Variants in RBM19 observed in about 807,000 individuals in gnomAD.
The protein encoded by RBM19 is probable RNA-binding protein 19.
RBM19 carries 94 observed loss-of-function variants against 116.8 expected under a neutral mutation model. The ratio of observed to expected loss-of-function variants is 0.80; its 90% confidence interval spans 0.68 to 0.95. The LOEUF is 0.95. Ranked by LOEUF, RBM19 falls within the 40% of genes least tolerant of loss-of-function variation. The probability of loss-of-function intolerance (pLI) is 0.00; values close to 1 mark genes in which losing one functional copy is unlikely to be tolerated. For synonymous variants in RBM19, 475 were observed against 494.1 expected, an observed-to-expected ratio of 0.96 and a Z score of 0.51; for missense variants, 1,161 against 1,220.7, an observed-to-expected ratio of 0.95 and a Z score of 0.73.
intron 12 of RBM19, 76 bp downstream of exon 12, chr12:113,946,278 G>A: frequency 6.2e-7 from 1 of 1,602,246 alleles, no homozygotes; most frequent in Non-Finnish European, 8.5e-7. Context: ...AGAAGACCCA[G>A]GTGGCTTAGA....
At chr12:113,953,194 G>A (rs903275521) in intron 7 of RBM19, among the ~76,000 whole-genome samples, 10 of 152,206 alleles carry the variant, frequency 6.6e-5, no homozygotes, top group African/African-American at 2.2e-4. Context: ...CTTTCCAAAA[G>A]AGAAGATATA....
chr12:113,845,382 G>A (rs1350035036), intron 22 of RBM19, among the ~76,000 whole-genome samples: 1 of 152,120 alleles, frequency 6.6e-6, no homozygotes, highest in Non-Finnish European at 1.5e-5. Flanking sequence ...GGCACAGGCT[G>A]TTCCCGCTTA....
At chr12:113,927,284 T>C (rs1869173787) in intron 16 of RBM19, 55 bp from the exon 17 acceptor site, 21 of 1,521,840 alleles carry the variant, frequency 1.4e-5, no homozygotes, top group Non-Finnish European at 1.8e-5. Flanking sequence ...CATGAAATAA[T>C]GTCAAACCCA....
intron 21 of RBM19, among the ~76,000 whole-genome samples, chr12:113,885,263 G>A (rs1418380884): frequency 6.6e-6 from 1 of 152,182 alleles, no homozygotes; most frequent in African/African-American, 2.4e-5. Flanking sequence ...CAAATCTTCG[G>A]TATTTCTATG....
chr12:113,872,519 G>A (rs1284271681), intron 21 of RBM19, among the ~76,000 whole-genome samples: 2,802 of 131,924 alleles, frequency 0.021, 72 homozygotes, highest in African/African-American at 0.046. Context: ...CGGGAGGGAG[G>A]TGGGGGTGTC....
intron 7 of RBM19, among the ~76,000 whole-genome samples, chr12:113,953,664 C>T (rs1377821152): frequency 1.3e-5 from 2 of 152,182 alleles, no homozygotes; most frequent in Non-Finnish European, 2.9e-5. Context: ...TCTGCTACAG[C>T]GAGCATAAAC....
chr12:113,892,140 G>C (rs1298093529), intron 21 of RBM19, among the ~76,000 whole-genome samples: 1 of 152,184 alleles, frequency 6.6e-6, no homozygotes, highest in Non-Finnish European at 1.5e-5. Flanking sequence ...AGCATCCTAT[G>C]AATAGGTGAG....
At chr12:113,917,144 A>C (rs1017598909) in intron 20 of RBM19, among the ~76,000 whole-genome samples, 5 of 152,236 alleles carry the variant, frequency 3.3e-5, no homozygotes, top group Non-Finnish European at 7.3e-5. Flanking sequence ...GATGTGGTAC[A>C]CAGTGGGCTT....
intron 21 of RBM19, among the ~76,000 whole-genome samples, chr12:113,867,757 C>T (rs1878932557): frequency 6.6e-6 from 1 of 152,064 alleles, no homozygotes; most frequent in South Asian, 2.1e-4. Flanking sequence ...CCCATTTCTA[C>T]TAAAAACACA....
In RBM19 at chr12:113,918,389, CACTT is replaced by C. The variant is rs1882905808; in HGVS notation, c.2440_2441+2del. On this transcript the variant is annotated splice_donor_variant and coding_sequence_variant, in exon 20 of 24. Transcript: ENST00000261741. LOFTEE classifies it high-confidence loss of function. Reference sequence around the variant, plus strand: ...AAAGGAAATGAGGACACTGAAGACTCACTTAGTGGCTCGTTCCGAGATCCTCACT... The same window carrying C: ...AAAGGAAATGAGGACACTGAAGACTCAGTGGCTCGTTCCGAGATCCTCACT... The C allele has an allele frequency of 1.2e-6, 2 of 1,613,828 alleles. No individual in the cohort carries two copies. The highest frequency in any genetic ancestry group is 1.3e-5 in the African/African-American group (1 of 74,818).
rs968084031 is a variant in RBM19, at chr12:113,898,669, C to A, written c.2558+16300G>T. Among the ~76,000 whole-genome samples, 1 of 152,164 alleles carries A rather than the reference C, an allele frequency of 6.6e-6. No homozygotes were observed. Reference sequence around the variant, plus strand: ...AATCGTGCTGAACCAGCAAATGAAGCCTTCAATTTGGTATTCTCATCCTGC... The same window carrying A: ...AATCGTGCTGAACCAGCAAATGAAGACTTCAATTTGGTATTCTCATCCTGC... On this transcript the variant is annotated intron_variant, in intron 21 of 23. Transcript: ENST00000261741. This position sits in a 1 kb window ranked among gnomAD's most constrained non-coding sequence, Gnocchi z 4.3.
At chr12:113,819,613 T>C (rs1304025895), downstream of RBM19, among the ~76,000 whole-genome samples, 2 of 152,204 alleles carry the variant, frequency 1.3e-5, no homozygotes, top group Non-Finnish European at 2.9e-5. Context: ...CGTCCCATCA[T>C]TGCTTCAAAA....
intron 21 of RBM19, among the ~76,000 whole-genome samples, chr12:113,913,560 G>C (rs570701054): frequency 2.5e-4 from 38 of 152,280 alleles, no homozygotes; most frequent in Non-Finnish European, 1.5e-4. Flanking sequence ...CAAACAGAGG[G>C]GAAAAGGAGG....
intron 19 of RBM19, among the ~76,000 whole-genome samples, chr12:113,918,782 G>C (rs570874421): frequency 6.6e-6 from 1 of 152,370 alleles, no homozygotes; most frequent in South Asian, 2.1e-4. Context: ...CTTGCAGAGA[G>C]AGTTGGGTTT....
chr12:113,962,211 G>C, intron 2 of RBM19, 21 bp downstream of exon 2: 1 of 1,612,768 alleles, frequency 6.2e-7, no homozygotes, highest in Non-Finnish European at 8.5e-7. Flanking sequence ...GAAGGTAAGG[G>C]TGAGACTCCT....
At chr12:113,928,625 A>ATGTGTGTGTGTGTGTGTGTGTGTGTGTG (rs57242923) in intron 16 of RBM19, among the ~76,000 whole-genome samples, 5 of 120,334 alleles carry the variant, frequency 4.2e-5, no homozygotes, top group African/African-American at 1.2e-4. Context: ...TTAGCAAGGG[A>ATGTGTGTGTGTGTGTGTGTGTGTGTGTG]TGTGTGTGTG....
rs781015806 is a variant in RBM19 at position 113,945,933 on chromosome 12, C to T, written c.1530-9G>A. 56 of 1,548,244 alleles carry T rather than the reference C, an allele frequency of 3.6e-5. No individual in the cohort carries two copies. The highest frequency in any genetic ancestry group is 4.6e-5 in the Non-Finnish European group (52 of 1,120,394). On this transcript the variant is annotated splice_polypyrimidine_tract_variant and intron_variant, in intron 12 of 23. Transcript: ENST00000261741. ...TGTTCCAGTTGTGAGAGCTAAGAGG[C>T]AGAGGCAGAACAGGGAGATCAGACC... is the stretch of plus-strand genomic sequence containing the variant.
At chr12:113,951,777 C>T (rs1438209578) in intron 8 of RBM19, among the ~76,000 whole-genome samples, 1 of 152,172 alleles carries the variant, frequency 6.6e-6, no homozygotes, top group Non-Finnish European at 1.5e-5. Context: ...GGAGACCATC[C>T]CTCAAGCACA....
Position 113,826,384 on chromosome 12 carries a change from T to G in RBM19, c.2786-3063A>C, listed in dbSNP as rs552417912. ...AGAACTGTGCCTGGCACATAGTAGA[T>G]GCTCAATAAATGTGTGCTGAGCGAC... is the stretch of plus-strand genomic sequence containing the variant. On this transcript the variant is annotated intron_variant, in intron 23 of 23. Transcript: ENST00000261741. 2.0e-5 allele frequency among the ~76,000 whole-genome samples: 3 copies of G among 152,340 alleles called. No individual in the cohort carries two copies. The South Asian group carries it at 6.2e-4, about 32-fold the overall frequency.
Sources: allele counts gnomAD v4.1 joint callset (sites outside exome capture counted in the v4.1 genomes callset), GRCh38; gene constraint gnomAD v4.1.1; non-coding constraint Gnocchi (gnomAD v3.1); transcripts MANE v1.5; gene names NCBI Gene and HGNC (gene_info 2026-07-23, HGNC 2026-07-21).